NKAIN2: variants seen among roughly 807,000 people sequenced by gnomAD.
The protein encoded by NKAIN2 is sodium/potassium-transporting ATPase subunit beta-1-interacting protein 2.
NKAIN2 carries 14 observed loss-of-function variants against 32.6 expected under a neutral mutation model. That is an observed-to-expected ratio of 0.43 (90% CI 0.28 to 0.67). NKAIN2 has a LOEUF of 0.67. NKAIN2 is among the 30% of genes least tolerant of loss of function. NKAIN2 has a pLI of 0.17. For synonymous variants in NKAIN2, 80 were observed against 87.2 expected (o/e 0.92, Z 0.46); for missense variants, 198 against 258.3 (o/e 0.77, Z 1.60).
chr6:124,008,333 T>C (rs1780169301), intron 1 of NKAIN2, among the ~76,000 whole-genome samples: 1 of 149,096 alleles, frequency 6.7e-6, no homozygotes, highest in African/African-American at 2.6e-5. Flanking sequence ...CCAAACACAA[T>C]GTAAACACTT....
intron 3 of NKAIN2, among the ~76,000 whole-genome samples, chr6:124,460,036 TTTG>T (rs1369936405): frequency 1.3e-5 from 2 of 151,766 alleles, no homozygotes; most frequent in East Asian, 3.9e-4. Context: ...ATATATTCTA[TTTG>T]TAGTCTTTCT....
At chr6:124,634,167 G>C (rs1415163794) in intron 3 of NKAIN2, among the ~76,000 whole-genome samples, 1 of 151,884 alleles carries the variant, frequency 6.6e-6, no homozygotes, top group East Asian at 1.9e-4. Flanking sequence ...CAGATGTGCA[G>C]ATATCAATGT....
chr6:124,020,010 G>A lies in NKAIN2; in HGVS notation c.54+215756G>A, dbSNP rs1228251995. ...TGTTGTAGAAGATAGGCATTGTATTGCCTGTTTATTCATTTTGTTTAATAC... is the reference window on the plus strand; with the variant it reads ...TGTTGTAGAAGATAGGCATTGTATTACCTGTTTATTCATTTTGTTTAATAC... On this transcript the variant is annotated intron_variant, in intron 1 of 6. Coordinates refer to ENST00000368417, the MANE Select transcript of NKAIN2 (RefSeq NM_001040214.3). Among the ~76,000 whole-genome samples the A allele has an allele frequency of 3.9e-5, 6 of 152,122 alleles. No individual in the cohort carries two copies. The East Asian group carries it at 1.2e-3, about 29-fold the overall frequency.
intron 3 of NKAIN2, among the ~76,000 whole-genome samples, chr6:124,628,074 T>C (rs1192610108): frequency 6.6e-6 from 1 of 152,134 alleles, no homozygotes; most frequent in Non-Finnish European, 1.5e-5. Flanking sequence ...TGAGAAACAC[T>C]GCAGCCACAC....
intron 3 of NKAIN2, among the ~76,000 whole-genome samples, chr6:124,398,579 T>C (rs1773495893): frequency 6.6e-6 from 1 of 152,286 alleles, no homozygotes; most frequent in South Asian, 2.1e-4. Context: ...TGAGAAGGCC[T>C]GAAAAAGTTT....
chr6:123,993,041 A>G (rs1379186035), intron 1 of NKAIN2, among the ~76,000 whole-genome samples: 1 of 152,216 alleles, frequency 6.6e-6, no homozygotes, highest in East Asian at 1.9e-4. Context: ...AACAATGAAA[A>G]TGATAACCTA....
intron 1 of NKAIN2, among the ~76,000 whole-genome samples, chr6:124,024,426 A>G (rs574171162): frequency 6.6e-6 from 1 of 152,198 alleles, no homozygotes; most frequent in South Asian, 2.1e-4. Context: ...GCTAAGTTGC[A>G]CAGTCAAAAC....
chr6:124,583,800 G>A (rs1043235945), intron 3 of NKAIN2, among the ~76,000 whole-genome samples: 4 of 152,152 alleles, frequency 2.6e-5, no homozygotes, highest in African/African-American at 7.2e-5. Context: ...CAGACACATA[G>A]ACCAATGGAA....
intron 4 of NKAIN2, among the ~76,000 whole-genome samples, chr6:124,672,490 G>A (rs1223205485): frequency 6.6e-6 from 1 of 152,004 alleles, no homozygotes; most frequent in East Asian, 1.9e-4. Context: ...ACTCTGTGTG[G>A]TCAAAACTTT....
At chr6:123,971,015 T>C (rs1432774772) in intron 1 of NKAIN2, among the ~76,000 whole-genome samples, 1 of 152,182 alleles carries the variant, frequency 6.6e-6, no homozygotes, top group South Asian at 2.1e-4. Context: ...AAATTGTTCA[T>C]TTATTTGATT....
chr6:124,247,078 C>CT (rs1793448370), intron 1 of NKAIN2, among the ~76,000 whole-genome samples: 1 of 152,000 alleles, frequency 6.6e-6, no homozygotes, highest in African/African-American at 2.4e-5. Flanking sequence ...CCTTCTCATA[C>CT]TGCCTTCACT....
rs141530126 is a variant in NKAIN2, at chr6:123,974,455, C to T, written c.54+170201C>T. Among the ~76,000 whole-genome samples the T allele has an allele frequency of 3.3e-5, 5 of 152,228 alleles. No homozygotes were observed. In the East Asian group the frequency reaches 9.7e-4, roughly 29 times the overall value. Reference sequence around the variant, plus strand: ...TAAAAATTACCACGGTTCTTCTAAGCATCCTCTTTTAGTGTATTTGATAGA... The same window carrying T: ...TAAAAATTACCACGGTTCTTCTAAGTATCCTCTTTTAGTGTATTTGATAGA... On this transcript the variant is annotated intron_variant, in intron 1 of 6. Coordinates refer to ENST00000368417, the MANE Select transcript of NKAIN2 (RefSeq NM_001040214.3).
intron 3 of NKAIN2, among the ~76,000 whole-genome samples, chr6:124,647,531 A>G (rs1383878718): frequency 6.7e-6 from 1 of 148,554 alleles, no homozygotes; most frequent in Non-Finnish European, 1.5e-5. Context: ...GACTTCAAGC[A>G]AATATAGCCT....
rs536361265 is a variant in NKAIN2 at position 123,916,275 on chromosome 6, CAG to C, written c.54+112024_54+112025del. 5.3e-5 allele frequency among the ~76,000 whole-genome samples: 8 copies of C among 152,172 alleles called. No individual in the cohort carries two copies. The South Asian group carries it at 1.7e-3, about 32-fold the overall frequency. On this transcript the variant is annotated intron_variant, in intron 1 of 6. Coordinates refer to ENST00000368417, the MANE Select transcript of NKAIN2 (RefSeq NM_001040214.3). ...CAATATTTTATTTTATTGATTGAGA[CAG>C]AGTCTCATTCTGTCACCCAGGCTGG...
At chr6:124,221,626 A>C (rs375483491) in intron 1 of NKAIN2, among the ~76,000 whole-genome samples, 2 of 152,286 alleles carry the variant, frequency 1.3e-5, no homozygotes, top group South Asian at 2.1e-4. Context: ...AGTTGTTGTT[A>C]CCCAGCAAAG....
rs138952989 is a variant in NKAIN2 at position 123,907,843 on chromosome 6, A to G, written c.54+103589A>G. 2.6e-3 allele frequency among the ~76,000 whole-genome samples: 393 copies of G among 152,284 alleles called. 1 individual carries two copies. Among genetic ancestry groups the G allele is most frequent in the African/African-American group, 9.1e-3 (377 of 41,566 alleles). ...AAATCCTTTTGCACAAATAGCAGTA[A>G]CAAAATACAACACAGCTACATATGT... On this transcript the variant is annotated intron_variant, in intron 1 of 6. Coordinates refer to ENST00000368417, the MANE Select transcript of NKAIN2 (RefSeq NM_001040214.3).
intron 3 of NKAIN2, among the ~76,000 whole-genome samples, chr6:124,459,776 G>C (rs890550752): frequency 1.3e-5 from 2 of 151,638 alleles, no homozygotes; most frequent in Non-Finnish European, 2.9e-5. Flanking sequence ...ATGCCATCTT[G>C]CTAAGGTTTG....
chr6:124,388,848 C>CT (rs1330155479), intron 3 of NKAIN2, among the ~76,000 whole-genome samples: 2 of 151,822 alleles, frequency 1.3e-5, no homozygotes, highest in African/African-American at 2.4e-5. Flanking sequence ...CATTTTTATG[C>CT]TTTTTTTGTC....
At chr6:124,661,915 C>A (rs941591437) in intron 4 of NKAIN2, among the ~76,000 whole-genome samples, 15 of 152,162 alleles carry the variant, frequency 9.9e-5, no homozygotes, top group Admixed American at 2.6e-4. Flanking sequence ...GTGATTGGAA[C>A]AGCATGGATT....
Sources: allele counts gnomAD v4.1 joint callset (sites outside exome capture counted in the v4.1 genomes callset), GRCh38; gene constraint gnomAD v4.1.1; transcripts MANE v1.5; gene names NCBI Gene and HGNC (gene_info 2026-07-23, HGNC 2026-07-21).